The following ANKS1A variants were observed in gnomAD, a reference collection of about 807,000 sequenced individuals.
ANKS1A encodes the protein ankyrin repeat and SAM domain-containing protein 1A.
ANKS1A carries 55 observed loss-of-function variants against 120.3 expected under a neutral mutation model. The observed-to-expected ratio is 0.46, with a 90% CI of 0.37 to 0.57. ANKS1A has a LOEUF of 0.57. Among genes scored for constraint, ANKS1A ranks in the 20% least tolerant of loss-of-function variants. The pLI, the probability that ANKS1A is intolerant of heterozygous loss-of-function variation, is 0.00. For synonymous variants in ANKS1A, 590 were observed against 604.7 expected, an observed-to-expected ratio of 0.98 and a Z score of 0.36; for missense variants, 1,123 against 1,480.3, an observed-to-expected ratio of 0.76 and a Z score of 3.96.
chr6:34,905,287 A>G (rs1479442765), intron 1 of ANKS1A, among the ~76,000 whole-genome samples: 2 of 152,194 alleles, frequency 1.3e-5, no homozygotes, highest in Admixed American at 6.5e-5. Flanking sequence ...CTGTGCATTG[A>G]CTTTTGTCCT....
chr6:35,080,376 C>T (rs947782477), intron 16 of ANKS1A, among the ~76,000 whole-genome samples: 1 of 152,192 alleles, frequency 6.6e-6, no homozygotes, highest in Non-Finnish European at 1.5e-5. Context: ...ACAACAGAAA[C>T]GGGTTAGACT....
intron 10 of ANKS1A, among the ~76,000 whole-genome samples, chr6:35,006,861 A>G (rs1246753489): frequency 1.3e-5 from 2 of 151,938 alleles, no homozygotes; most frequent in Non-Finnish European, 2.9e-5. Context: ...AAAAAAGAAT[A>G]TAGCCAGGCA....
intron 1 of ANKS1A, among the ~76,000 whole-genome samples, chr6:34,934,708 C>T (rs1474041194): frequency 6.6e-6 from 1 of 152,232 alleles, no homozygotes; most frequent in African/African-American, 2.4e-5. Flanking sequence ...CAAGTTGGCT[C>T]TGACCCAGCT....
intron 11 of ANKS1A, among the ~76,000 whole-genome samples, chr6:35,047,422 T>A (rs1490711147): frequency 6.6e-6 from 1 of 152,152 alleles, no homozygotes; most frequent in Non-Finnish European, 1.5e-5. Flanking sequence ...ATTCAGATTG[T>A]GAAAGAACCA....
At chr6:34,959,704 T>G (rs1376343988) in intron 1 of ANKS1A, among the ~76,000 whole-genome samples, 2 of 152,242 alleles carry the variant, frequency 1.3e-5, no homozygotes, top group East Asian at 3.8e-4. Flanking sequence ...TGTCTTGCTT[T>G]TGCGATTCTT....
chr6:34,921,622 A>T (rs936381883), intron 1 of ANKS1A, among the ~76,000 whole-genome samples: 9 of 152,212 alleles, frequency 5.9e-5, no homozygotes, highest in Non-Finnish European at 1.2e-4. Flanking sequence ...TACCAAAGGA[A>T]TCTTCACCCT....
chr6:34,948,296 A>C (rs1210142578), intron 1 of ANKS1A, among the ~76,000 whole-genome samples: 1 of 152,188 alleles, frequency 6.6e-6, no homozygotes, highest in Non-Finnish European at 1.5e-5. Flanking sequence ...AAAAGCTTTA[A>C]GGCAGCAAAA....
intron 1 of ANKS1A, among the ~76,000 whole-genome samples, chr6:34,940,371 A>T (rs1183778623): frequency 6.6e-6 from 1 of 152,218 alleles, no homozygotes; most frequent in Non-Finnish European, 1.5e-5. Flanking sequence ...CAGAGTGTTC[A>T]GGGCAATATA....
chr6:35,043,566 G>T (rs1179028617), intron 11 of ANKS1A, among the ~76,000 whole-genome samples: 1 of 152,216 alleles, frequency 6.6e-6, no homozygotes, highest in East Asian at 1.9e-4. Flanking sequence ...ACTGCTGCCA[G>T]TTCCTCCAGA....
rs1047317947 is a variant in ANKS1A at position 35,060,551 on chromosome 6, A to C, written c.2184+298A>C. Among the ~76,000 whole-genome samples the C allele has an allele frequency of 2.0e-5, 3 of 152,160 alleles. No individual in the cohort carries two copies. Among genetic ancestry groups the C allele is most frequent in the African/African-American group, 7.2e-5 (3 of 41,444 alleles). ...TGTCCCCTCCCTGGCTGTGTATCCC[A>C]TCAAGGCTGGGTACGAGGAGTTTTA... On this transcript the variant is annotated intron_variant, in intron 13 of 23. Coordinates refer to ENST00000360359, the MANE Select transcript of ANKS1A (RefSeq NM_015245.3). The surrounding 1 kb of genome is among the most constrained non-coding windows in gnomAD (Gnocchi z 4.5).
chr6:34,970,478 C>T (rs909471198), intron 3 of ANKS1A, among the ~76,000 whole-genome samples: 2 of 152,114 alleles, frequency 1.3e-5, no homozygotes, highest in Non-Finnish European at 2.9e-5. Context: ...CAGGACCTCC[C>T]CATAGATACC....
intron 12 of ANKS1A, 98 bp downstream of exon 12, chr6:35,054,263 G>A: frequency 8.6e-7 from 1 of 1,165,356 alleles, no homozygotes; most frequent in Non-Finnish European, 1.3e-6. Flanking sequence ...CATTCAGTGG[G>A]TGGGAGAGGT....
intron 3 of ANKS1A, among the ~76,000 whole-genome samples, chr6:34,975,053 C>G (rs1561883475): frequency 6.6e-6 from 1 of 152,170 alleles, no homozygotes; most frequent in Non-Finnish European, 1.5e-5. Flanking sequence ...TTTAATTTTG[C>G]ACATATAAAA....
In ANKS1A at chr6:35,078,670, G is replaced by T. The variant is rs748017612; in HGVS notation, c.2283+14G>T. 4.4e-6 allele frequency: 7 copies of T among 1,599,762 alleles called. No homozygotes were observed. ...TCCCTACCCAAGGTGACCATCGCCG[G>T]CCCTGTAGCCTCAGCCCGTGCGGAG... On this transcript the variant is annotated intron_variant, in intron 14 of 23. Coordinates refer to ENST00000360359, the MANE Select transcript of ANKS1A (RefSeq NM_015245.3).
chr6:34,991,641 T>C (rs185017301), intron 9 of ANKS1A, among the ~76,000 whole-genome samples: 1 of 142,844 alleles, frequency 7.0e-6, no homozygotes, highest in African/African-American at 2.5e-5. Context: ...TATACATATA[T>C]ACACACACAT....
chr6:34,965,272 C>CTGGTA (rs1293301487), intron 1 of ANKS1A, among the ~76,000 whole-genome samples: 1 of 152,094 alleles, frequency 6.6e-6, no homozygotes, highest in Non-Finnish European at 1.5e-5. Flanking sequence ...AGCAATGTAA[C>CTGGTA]TGGTATATGA....
chr6:35,045,459 CA>C (rs1775674723), intron 11 of ANKS1A, among the ~76,000 whole-genome samples: 1 of 152,222 alleles, frequency 6.6e-6, no homozygotes, highest in Non-Finnish European at 1.5e-5. Context: ...CAAGGTTCCA[CA>C]ACTAATTAGG....
intron 3 of ANKS1A, among the ~76,000 whole-genome samples, chr6:34,975,373 G>C (rs1771512105): frequency 6.6e-6 from 1 of 151,624 alleles, no homozygotes. Context: ...AGAATCGCTT[G>C]AACCCAGGAG....
At chr6:35,076,150 G>C (rs563474837) in intron 13 of ANKS1A, among the ~76,000 whole-genome samples, 2 of 152,172 alleles carry the variant, frequency 1.3e-5, no homozygotes, top group African/African-American at 2.4e-5. Flanking sequence ...CTGTCCGGGC[G>C]CAGTGGCTCA....
Sources: allele counts gnomAD v4.1 joint callset (sites outside exome capture counted in the v4.1 genomes callset), GRCh38; gene constraint gnomAD v4.1.1; non-coding constraint Gnocchi (gnomAD v3.1); transcripts MANE v1.5; gene names NCBI Gene and HGNC (gene_info 2026-07-23, HGNC 2026-07-21).